Variants in DGKI observed in about 807,000 individuals in gnomAD.
DGKI encodes the protein diacylglycerol kinase iota.
DGKI carries 55 observed loss-of-function variants against 147.5 expected under a neutral mutation model. That is an observed-to-expected ratio of 0.37 (90% CI 0.30 to 0.47). DGKI has a LOEUF of 0.47. DGKI is among the 20% of genes least tolerant of loss of function. The probability of loss-of-function intolerance (pLI) is 1.00; values close to 1 mark genes in which losing one functional copy is unlikely to be tolerated. For missense variants in DGKI, 1,007 were observed against 1,323.8 expected (o/e 0.76, Z 3.71); for synonymous variants, 469 against 477.1 (o/e 0.98, Z 0.22).
intron 5 of DGKI, among the ~76,000 whole-genome samples, chr7:137,650,495 A>T (rs1158164080): frequency 2.6e-5 from 4 of 152,224 alleles, no homozygotes; most frequent in African/African-American, 9.6e-5. Context: ...CAAAATTTTT[A>T]TGTTGAAATC....
At chr7:137,650,065 A>G (rs572546757) in intron 5 of DGKI, among the ~76,000 whole-genome samples, 2 of 152,302 alleles carry the variant, frequency 1.3e-5, no homozygotes, top group African/African-American at 2.4e-5. Context: ...TTTACTAAAT[A>G]AACATCTGAA....
Position 137,466,884 on chromosome 7 carries a change from G to T in DGKI, c.2484+18C>A. 1.2e-6 allele frequency: 2 copies of T among 1,613,670 alleles called. No individual in the cohort carries two copies. Among genetic ancestry groups the T allele is most frequent in the South Asian group, 2.2e-5 (2 of 91,072 alleles). The stretch of plus-strand genomic sequence containing the variant: ...TGGGAATTTTTCACTTTCACAAGCA[G>T]GCTGGAAAAAAACTTACCTGAGATC... On this transcript the variant is annotated intron_variant, in intron 25 of 32. Transcript: ENST00000614521.
intron 1 of DGKI, among the ~76,000 whole-genome samples, chr7:137,720,958 C>G (rs1052306646): frequency 6.6e-6 from 1 of 152,136 alleles, no homozygotes; most frequent in Non-Finnish European, 1.5e-5. Context: ...AACTATGTTA[C>G]GTGTTTACAA....
chr7:137,636,849 C>T (rs1345209650), intron 6 of DGKI, among the ~76,000 whole-genome samples: 1 of 152,000 alleles, frequency 6.6e-6, no homozygotes, highest in African/African-American at 2.4e-5. Flanking sequence ...CACCCCTTTT[C>T]TTTCTCTCTT....
intron 28 of DGKI, among the ~76,000 whole-genome samples, chr7:137,432,743 T>C (rs568482412): frequency 9.2e-5 from 14 of 152,312 alleles, no homozygotes; most frequent in African/African-American, 3.4e-4. Context: ...AGCAGGGTAC[T>C]ACCTTGCCTG....
intron 27 of DGKI, among the ~76,000 whole-genome samples, chr7:137,456,302 G>A (rs1488824141): frequency 3.9e-5 from 6 of 152,054 alleles, no homozygotes; most frequent in African/African-American, 1.2e-4. Flanking sequence ...TAACAAAAAT[G>A]GTCAACATTT....
rs969613481 is a variant in DGKI at position 137,546,379 on chromosome 7, G to A, written c.2147+5990C>T. 2.6e-5 allele frequency among the ~76,000 whole-genome samples: 4 copies of A among 152,230 alleles called. No homozygotes were observed. The East Asian group carries it at 7.7e-4, about 29-fold the overall frequency. On this transcript the variant is annotated intron_variant, in intron 20 of 32. Transcript: ENST00000614521. ...AAACTCATCTTTGAAAAGATTCAAG[G>A]TCAATTTAACCCTTTCATCACACAG...
At chr7:137,586,322 G>A (rs1395461599) in intron 13 of DGKI, among the ~76,000 whole-genome samples, 2 of 152,098 alleles carry the variant, frequency 1.3e-5, no homozygotes, top group Non-Finnish European at 2.9e-5. Context: ...CAGCTACTCA[G>A]AAGGTTGAGG....
intron 20 of DGKI, among the ~76,000 whole-genome samples, chr7:137,526,930 G>C (rs1032115490): frequency 2.6e-5 from 4 of 152,074 alleles, no homozygotes; most frequent in Non-Finnish European, 5.9e-5. Context: ...AAAGTGGATG[G>C]GCTGAGCGTT....
chr7:137,682,219 A>G (rs2116412801), intron 2 of DGKI, among the ~76,000 whole-genome samples: 1 of 152,262 alleles, frequency 6.6e-6, no homozygotes, highest in East Asian at 1.9e-4. Flanking sequence ...TCCTGCATAA[A>G]GTTGTCTAGC....
intron 1 of DGKI, among the ~76,000 whole-genome samples, chr7:137,758,477 G>A (rs2116792689): frequency 6.6e-6 from 1 of 152,266 alleles, no homozygotes; most frequent in African/African-American, 2.4e-5. Flanking sequence ...CTTGAGGTCA[G>A]GAGTTTGAGA....
intron 12 of DGKI, among the ~76,000 whole-genome samples, chr7:137,593,105 T>C (rs1187843539): frequency 6.6e-6 from 1 of 152,110 alleles, no homozygotes; most frequent in Non-Finnish European, 1.5e-5. Flanking sequence ...GAAAAGCCAA[T>C]AGAACAAGAA....
rs560389721 is a variant in DGKI at position 137,795,934 on chromosome 7, T to C, written c.401+50528A>G. 5.3e-5 allele frequency among the ~76,000 whole-genome samples: 8 copies of C among 152,310 alleles called. No individual in the cohort carries two copies. The East Asian group carries it at 1.5e-3, about 29-fold the overall frequency. On this transcript the variant is annotated intron_variant, in intron 1 of 32. Transcript: ENST00000614521. ...TGCACACAACAAAGAACACAGACTTTACAGAATTTTAAAAGTCACTAAAAA... is the reference window on the plus strand; with the variant it reads ...TGCACACAACAAAGAACACAGACTTCACAGAATTTTAAAAGTCACTAAAAA...
At chr7:137,664,678 T>G (rs1179205849) in intron 3 of DGKI, among the ~76,000 whole-genome samples, 1 of 152,240 alleles carries the variant, frequency 6.6e-6, no homozygotes, top group African/African-American at 2.4e-5. Flanking sequence ...TGGGAACAGT[T>G]GCAGGAGTGG....
intron 28 of DGKI, among the ~76,000 whole-genome samples, chr7:137,425,958 A>C (rs547164586): frequency 6.6e-6 from 1 of 152,350 alleles, no homozygotes; most frequent in South Asian, 2.1e-4. Flanking sequence ...GAATGGAACC[A>C]AGTTGGAAAA....
At chr7:137,666,012 A>C (rs1822627330) in intron 3 of DGKI, among the ~76,000 whole-genome samples, 1 of 152,214 alleles carries the variant, frequency 6.6e-6, no homozygotes. Context: ...ACTGGTTACA[A>C]AGAATGATAC....
intron 1 of DGKI, among the ~76,000 whole-genome samples, chr7:137,792,973 AT>A (rs1242711377): frequency 6.6e-6 from 1 of 152,248 alleles, no homozygotes; most frequent in Non-Finnish European, 1.5e-5. Flanking sequence ...AAACAGATTA[AT>A]ACAGCAACTT....
At chr7:137,703,178 A>C (rs1824042782) in intron 1 of DGKI, among the ~76,000 whole-genome samples, 1 of 152,226 alleles carries the variant, frequency 6.6e-6, no homozygotes, top group Non-Finnish European at 1.5e-5. Context: ...GCGGAAGGGA[A>C]AACAAGCACT....
intron 18 of DGKI, 83 bp downstream of exon 18, chr7:137,572,682 T>C: frequency 1.1e-6 from 1 of 906,926 alleles, no homozygotes; most frequent in South Asian, 1.7e-5. Context: ...ATTGTTTACA[T>C]CTGAAACTTT....
Sources: gnomAD v4.1 joint callset for allele counts (sites outside exome capture counted in the v4.1 genomes callset) on GRCh38, gnomAD v4.1.1 for gene constraint, MANE v1.5 for transcripts, NCBI Gene and HGNC (gene_info 2026-07-23, HGNC 2026-07-21) for gene names.